Variants in STK40 observed in about 807,000 individuals in gnomAD.
STK40 encodes serine/threonine kinase 40.
STK40 carries 13 observed loss-of-function variants against 47.9 expected under a neutral mutation model. The observed-to-expected ratio is 0.27, with a 90% CI of 0.18 to 0.43. The LOEUF (loss-of-function observed/expected upper bound fraction) is 0.43, where lower values mean the gene tolerates loss of function less well. Among genes scored for constraint, STK40 ranks in the 20% least tolerant of loss-of-function variants. The pLI, the probability that STK40 is intolerant of heterozygous loss-of-function variation, is 1.00. For synonymous variants in STK40, 225 were observed against 243.2 expected (o/e 0.93, Z 0.69); for missense variants, 460 against 595.1 (o/e 0.77, Z 2.36).
At chr1:36,351,097 G>A (rs1287897391) in intron 6 of STK40, among the ~76,000 whole-genome samples, 1 of 152,198 alleles carries the variant, frequency 6.6e-6, no homozygotes, top group Non-Finnish European at 1.5e-5. Flanking sequence ...TTTAGCTATG[G>A]CCCTCTGGGC....
At chr1:36,346,291 G>A (rs2124726568) in intron 7 of STK40, among the ~76,000 whole-genome samples, 1 of 152,178 alleles carries the variant, frequency 6.6e-6, no homozygotes, top group Admixed American at 6.5e-5. Flanking sequence ...ACCGCGCCTG[G>A]CTGGTTAAGG....
intron 2 of STK40, among the ~76,000 whole-genome samples, chr1:36,359,276 C>A (rs1446143610): frequency 6.6e-6 from 1 of 152,156 alleles, no homozygotes; most frequent in Non-Finnish European, 1.5e-5. Flanking sequence ...CATGGTGGAG[C>A]ATACCTGTAG....
chr1:36,356,418 C>CTTTTTTTT (rs1002682531), intron 4 of STK40, among the ~76,000 whole-genome samples: 132 of 116,800 alleles, frequency 1.1e-3, no homozygotes, highest in Non-Finnish European at 1.3e-3. Flanking sequence ...TCTTCTTTTT[C>CTTTTTTTT]TTTTTTTTTT....
intron 1 of STK40, among the ~76,000 whole-genome samples, chr1:36,370,394 T>C (rs2124746565): frequency 6.6e-6 from 1 of 152,350 alleles, no homozygotes; most frequent in African/African-American, 2.4e-5. Flanking sequence ...ACTCCAGGTT[T>C]GTGGTGTGAA....
chr1:36,352,894 G>A (rs1240213811), intron 6 of STK40, among the ~76,000 whole-genome samples: 1 of 152,232 alleles, frequency 6.6e-6, no homozygotes, highest in Non-Finnish European at 1.5e-5. Context: ...GTCGAAGGAT[G>A]GAGAATGCTT....
intron 1 of STK40, among the ~76,000 whole-genome samples, chr1:36,373,527 C>T (rs533582008): frequency 1.2e-4 from 19 of 152,294 alleles, no homozygotes; most frequent in Non-Finnish European, 2.4e-4. Context: ...ACCCTCTCCC[C>T]GGGAGCTTGG....
intron 6 of STK40, among the ~76,000 whole-genome samples, chr1:36,350,899 G>A (rs987451214): frequency 5.3e-5 from 8 of 152,312 alleles, no homozygotes; most frequent in East Asian, 3.9e-4. Context: ...GAAGTGGCAC[G>A]GGCAGCTCCA....
intron 1 of STK40, among the ~76,000 whole-genome samples, chr1:36,367,294 G>A (rs1024206706): frequency 6.6e-6 from 1 of 152,204 alleles, no homozygotes; most frequent in Non-Finnish European, 1.5e-5. Flanking sequence ...CCGTCCGCAG[G>A]CTGTAGCTGT....
intron 1 of STK40, among the ~76,000 whole-genome samples, chr1:36,364,355 A>T (rs1646883325): frequency 6.6e-6 from 1 of 152,176 alleles, no homozygotes; most frequent in Admixed American, 6.5e-5. Flanking sequence ...GTGCCAATTT[A>T]CAGTCCAGTG....
intron 1 of STK40, among the ~76,000 whole-genome samples, chr1:36,380,080 A>G (rs1028969850): frequency 2.6e-5 from 4 of 152,212 alleles, no homozygotes; most frequent in Admixed American, 6.5e-5. Flanking sequence ...TCTCTAAGAT[A>G]GTAAGTAAAT....
chr1:36,366,927 C>T (rs140914432), intron 1 of STK40, among the ~76,000 whole-genome samples: 3,143 of 151,684 alleles, frequency 0.021, 88 homozygotes, highest in African/African-American at 0.059. Flanking sequence ...CTCTGCCTCC[C>T]GGGCTCAAGT....
At chr1:36,344,096 C>A (rs3795497) in intron 8 of STK40, 24 bp downstream of exon 8, 238 of 1,585,490 alleles carry the variant, frequency 1.5e-4, no homozygotes, top group South Asian at 3.8e-4. Context: ...CTGCCCCCCC[C>A]ACCCCCCGGG....
At position 36,344,224 on chromosome 1, in the gene STK40, C is replaced by T. The variant is rs1360407740; in HGVS notation, c.780G>A (p.Leu260=). ...ACAGCATGGTGAAGAGCACCACGCCCAGGGCCCACATGTCACTGGGCTTGC... is the reference window on the plus strand; with the variant it reads ...ACAGCATGGTGAAGAGCACCACGCCTAGGGCCCACATGTCACTGGGCTTGC... ...YRGKPSDMWA[L]GVVLFTMLYG... The change falls in exon 8 of 11, where the codon CTG becomes CTA. Residue 260 remains leucine, a synonymous_variant. Coordinates refer to ENST00000373132, the MANE Select transcript of STK40 (RefSeq NM_001282547.2). 6.2e-6 allele frequency: 10 copies of T among 1,612,812 alleles called. No homozygotes were observed. The highest frequency in any genetic ancestry group is 7.6e-6 in the Non-Finnish European group (9 of 1,179,504).
chr1:36,342,734 G>C (rs1268847223), intron 10 of STK40: 1 of 165,100 alleles, frequency 6.1e-6, no homozygotes, highest in Non-Finnish European at 1.3e-5. Flanking sequence ...CGGGGGCCAG[G>C]AGGCTCTGGG....
chr1:36,354,241 G>T, intron 6 of STK40, 123 bp downstream of exon 6: 2 of 1,031,948 alleles, frequency 1.9e-6, no homozygotes, highest in Non-Finnish European at 3.0e-6. Context: ...TGGGATTCCT[G>T]GAGGAAGTGG....
At chr1:36,342,399 T>G in intron 10 of STK40, 1 of 239,212 alleles carries the variant, frequency 4.2e-6, no homozygotes, top group East Asian at 1.1e-4. Flanking sequence ...CTGAGCTCCC[T>G]GGGATGGTCT....
At chr1:36,358,418 A>G in intron 3 of STK40, 36 bp from the exon 4 acceptor site, 2 of 1,573,922 alleles carry the variant, frequency 1.3e-6, no homozygotes, top group African/African-American at 2.7e-5. Flanking sequence ...CAAAACCAGA[A>G]CACCTCACTT....
chr1:36,374,090 C>CT (rs1378761258), intron 1 of STK40, among the ~76,000 whole-genome samples: 1 of 152,268 alleles, frequency 6.6e-6, no homozygotes, highest in East Asian at 1.9e-4. Context: ...CACAGCAGGC[C>CT]TGGGGGCCAG....
intron 1 of STK40, among the ~76,000 whole-genome samples, chr1:36,363,715 T>G (rs904411863): frequency 2.7e-5 from 4 of 149,394 alleles, no homozygotes; most frequent in African/African-American, 9.9e-5. Flanking sequence ...CTTGGAAGGC[T>G]GAGGCAGGAG....
Sources: allele counts gnomAD v4.1 joint callset (sites outside exome capture counted in the v4.1 genomes callset), GRCh38; gene constraint gnomAD v4.1.1; transcripts MANE v1.5; gene names NCBI Gene and HGNC (gene_info 2026-07-23, HGNC 2026-07-21).